SYNE1: variants seen among roughly 807,000 people sequenced by gnomAD.
The protein encoded by SYNE1 is nesprin-1.
In SYNE1, 616 loss-of-function variants were observed where a neutral mutation model predicts 1,111.0. The observed-to-expected ratio is 0.55, with a 90% CI of 0.52 to 0.59. The LOEUF (loss-of-function observed/expected upper bound fraction) is 0.59, where lower values mean the gene tolerates loss of function less well. Ranked by LOEUF, SYNE1 falls within the 20% of genes least tolerant of loss-of-function variation. The pLI, the probability that SYNE1 is intolerant of heterozygous loss-of-function variation, is 0.00. For missense variants in SYNE1, 10,006 were observed against 10,417.0 expected (o/e 0.96, Z 1.72); for synonymous variants, 3,855 against 3,825.8 (o/e 1.01, Z -0.28).
chr6:152,621,015 G>C (rs1238751699), intron 3 of SYNE1, among the ~76,000 whole-genome samples: 2 of 152,166 alleles, frequency 1.3e-5, no homozygotes, highest in African/African-American at 2.4e-5. Context: ...GGAAATTTCT[G>C]ATTGTATTGG....
intron 6 of SYNE1, among the ~76,000 whole-genome samples, chr6:152,517,104 A>C (rs2099116193): frequency 6.6e-6 from 1 of 152,236 alleles, no homozygotes; most frequent in South Asian, 2.1e-4. Flanking sequence ...ATTGACTGAA[A>C]TGTATACTGA....
Position 152,310,700 on chromosome 6 carries a change from T to G in SYNE1, c.16884A>C (p.Gln5628His). Residue 5628 changes from glutamine (Q) to histidine (H), a missense_variant, in exon 88 of 146, where the codon CAA (glutamine) becomes CAC (histidine). By Grantham distance (24) the Gln-to-His change is conservative. Transcript: ENST00000367255. ...TTTCTTTTTTTACCTTAGCTGCATC[T>G]TGGAGGTTCTGCAAACGAATTTTGA... ...QMIKIRLQNL[Q>H]DAAKDMKKFE... 1.2e-6 allele frequency: 2 copies of G among 1,614,002 alleles called. No homozygotes were observed. The highest frequency in any genetic ancestry group is 1.7e-6 in the Non-Finnish European group (2 of 1,180,004).
In SYNE1 at chr6:152,284,188, T is replaced by C. The variant is rs1057523334; in HGVS notation, c.18013-16A>G. ...CCATCAATGCCTGGAGGAAAGACTGTGGAATCACACTCATGTATTCATTTC... is the reference window on the plus strand; with the variant it reads ...CCATCAATGCCTGGAGGAAAGACTGCGGAATCACACTCATGTATTCATTTC... On this transcript the variant is annotated splice_polypyrimidine_tract_variant and intron_variant, in intron 95 of 145. Coordinates refer to ENST00000367255, the MANE Select transcript of SYNE1 (RefSeq NM_182961.4). 3.7e-6 allele frequency: 6 copies of C among 1,613,630 alleles called. No homozygotes were observed. In the African/African-American group the frequency reaches 4.0e-5, roughly 11 times the overall value.
At chr6:152,310,653 A>T in intron 88 of SYNE1, 35 bp downstream of exon 88, 1 of 1,609,108 alleles carries the variant, frequency 6.2e-7, no homozygotes. Context: ...AATGATAGAC[A>T]TTTTTTTCTG....
At chr6:152,553,802 T>C (rs1172259110) in intron 3 of SYNE1, among the ~76,000 whole-genome samples, 2 of 152,214 alleles carry the variant, frequency 1.3e-5, no homozygotes, top group Non-Finnish European at 2.9e-5. Flanking sequence ...AGGAATTTTG[T>C]CAGCAGGAGG....
intron 34 of SYNE1, 113 bp downstream of exon 34, chr6:152,433,682 G>T: frequency 8.0e-7 from 1 of 1,246,692 alleles, no homozygotes; most frequent in Non-Finnish European, 1.2e-6. Context: ...AATTTTAATA[G>T]TCACATTGCA....
At chr6:152,527,011 A>AATAGAGGGGAGGTGTTC in intron 4 of SYNE1, among the ~76,000 whole-genome samples, 1 of 152,316 alleles carries the variant, frequency 6.6e-6, no homozygotes, top group East Asian at 1.9e-4. Flanking sequence ...GTTGATGGTC[A>AATAGAGGGGAGGTGTTC]ATAGAGGGGA....
chr6:152,582,581 T>C (rs1197766542), intron 3 of SYNE1, among the ~76,000 whole-genome samples: 1 of 151,502 alleles, frequency 6.6e-6, no homozygotes, highest in Non-Finnish European at 1.5e-5. Context: ...AATAAATATA[T>C]ATATAACTTT....
At chr6:152,355,126 A>AACC (rs2096812997) in intron 66 of SYNE1, 150 bp from the exon 67 acceptor site, 1 of 826,118 alleles carries the variant, frequency 1.2e-6, no homozygotes, top group African/African-American at 1.7e-5. Flanking sequence ...ATATGTCCCT[A>AACC]ACCATATTTT....
rs1260992630 is a variant in SYNE1 at position 152,183,668 on chromosome 6, G to A, written c.23302-3374C>T. On this transcript the variant is annotated intron_variant, in intron 128 of 145. Coordinates refer to ENST00000367255, the MANE Select transcript of SYNE1 (RefSeq NM_182961.4). The stretch of plus-strand genomic sequence containing the variant: ...ACAAGTAACTCCTTACACTGCCCCC[G>A]AATCTTGGCCATAAGCCAAGAATGA... Among the ~76,000 whole-genome samples the A allele has an allele frequency of 3.9e-5, 6 of 152,112 alleles. No individual in the cohort carries two copies. The South Asian group carries it at 8.3e-4, about 21-fold the overall frequency.
intron 22 of SYNE1, among the ~76,000 whole-genome samples, chr6:152,457,232 A>T (rs1258695996): frequency 6.6e-6 from 1 of 152,184 alleles, no homozygotes; most frequent in Non-Finnish European, 1.5e-5. Flanking sequence ...GGTGTATCTA[A>T]TGTAATATCT....
intron 32 of SYNE1, among the ~76,000 whole-genome samples, chr6:152,439,721 TGCTAAA>T (rs1389828763): frequency 7.2e-5 from 11 of 152,264 alleles, no homozygotes; most frequent in African/African-American, 2.6e-4. Context: ...AAGGTTTTCT[TGCTAAA>T]GGCTAGGGAA....
chr6:152,204,390 C>T (rs887815631), intron 126 of SYNE1, among the ~76,000 whole-genome samples: 2 of 141,614 alleles, frequency 1.4e-5, no homozygotes, highest in East Asian at 2.1e-4. Context: ...GAAAAAAAAA[C>T]AAGAAAGAAA....
In SYNE1 at chr6:152,462,576, T is replaced by G. The variant is rs1593204249; in HGVS notation, c.2250+162A>C. On this transcript the variant is annotated intron_variant, in intron 20 of 145. Transcript: ENST00000367255. Reference sequence around the variant, plus strand: ...ATGATCAAGTCATGTCTTTTTTATGTTCAATACATTTTTTTCTGACAGGTG... The same window carrying G: ...ATGATCAAGTCATGTCTTTTTTATGGTCAATACATTTTTTTCTGACAGGTG... 4.1e-6 allele frequency: 3 copies of G among 724,550 alleles called. No homozygotes were observed. The East Asian group carries it at 7.9e-5, about 19-fold the overall frequency. 44.9% of individuals were successfully genotyped at this position (724,550 alleles called of 1,614,324 possible).
chr6:152,353,577 T>G lies in SYNE1; in HGVS notation c.11082+12A>C, dbSNP rs1252686464. The stretch of plus-strand genomic sequence containing the variant: ...TTGCTGGTCTATGCTGAGCACCTGG[T>G]GACCCACTCACCAGCACTTGGAGAA... On this transcript the variant is annotated intron_variant, in intron 68 of 145. Transcript: ENST00000367255. 1 of 1,614,204 alleles carries G rather than the reference T, an allele frequency of 6.2e-7. No individual in the cohort carries two copies.
intron 117 of SYNE1, 62 bp downstream of exon 117, chr6:152,224,432 G>C (rs559255953): frequency 1.4e-6 from 2 of 1,419,590 alleles, no homozygotes; most frequent in Non-Finnish European, 2.0e-6. Flanking sequence ...TCTCCATTTG[G>C]TAATTTTTCA....
rs767624152 is a variant in SYNE1 at position 152,331,935 on chromosome 6, A to C, written c.12795-45T>G. ...TATAAGAGCAAATTAGCTGTAGTCA[A>C]TATCGATGTTTGTTCATACTATGCT... On this transcript the variant is annotated intron_variant, in intron 77 of 145. Transcript: ENST00000367255. 9.4e-6 allele frequency: 15 copies of C among 1,602,460 alleles called. No individual in the cohort carries two copies. The East Asian group carries it at 1.3e-4, about 14-fold the overall frequency.
rs1387090600 is a variant in SYNE1 at position 152,186,606 on chromosome 6, G to GA, written c.23301+2645dup. 1.2e-3 allele frequency among the ~76,000 whole-genome samples: 125 copies of GA among 101,892 alleles called. 2 individuals are homozygous for GA. The highest frequency in any genetic ancestry group is 8.3e-4 in the Non-Finnish European group (39 of 46,956). 66.8% of individuals were successfully genotyped at this position (101,892 alleles called of 152,430 possible). A position where few individuals can be genotyped will look rare whatever the true frequency, so the allele number is the denominator to read the frequency against. On this transcript the variant is annotated intron_variant, in intron 128 of 145. Transcript: ENST00000367255. ...AAAAAAAAAAAAAAAAGAAGAAGAA[G>GA]AAAATTAGAAGGGAAGAAACAGTGT...
At chr6:152,315,103 A>G (rs1205120732) in intron 87 of SYNE1, 2 of 151,336 alleles carry the variant, frequency 1.3e-5, no homozygotes, top group African/African-American at 4.8e-5. Flanking sequence ...TTAAACTTTC[A>G]CTACAGTTAT....
Sources: allele counts gnomAD v4.1 joint callset (sites outside exome capture counted in the v4.1 genomes callset), GRCh38; gene constraint gnomAD v4.1.1; transcripts MANE v1.5; gene names NCBI Gene and HGNC (gene_info 2026-07-23, HGNC 2026-07-21).